MGAT5: variants seen among roughly 807,000 people sequenced by gnomAD.
The protein encoded by MGAT5 is alpha-1,6-mannosylglycoprotein 6-beta-N-acetylglucosaminyltransferase A.
Under a neutral mutation model 94.3 loss-of-function variants are expected in MGAT5, and 30 were observed. That is an observed-to-expected ratio of 0.32 (90% CI 0.24 to 0.43). The LOEUF (loss-of-function observed/expected upper bound fraction) is 0.43, where lower values mean the gene tolerates loss of function less well. MGAT5 is among the 20% of genes least tolerant of loss of function. MGAT5 has a pLI of 1.00. For synonymous variants in MGAT5, 310 were observed against 322.9 expected, an observed-to-expected ratio of 0.96 and a Z score of 0.43; for missense variants, 691 against 905.5, an observed-to-expected ratio of 0.76 and a Z score of 3.04.
At position 134,338,230 on chromosome 2, in the gene MGAT5, T is replaced by A. The variant is rs150904460; in HGVS notation, c.646-29T>A. The A allele has an allele frequency of 7.5e-5, 116 of 1,547,026 alleles. 4 individuals are homozygous for A. In the African/African-American group the frequency reaches 1.2e-3, roughly 16 times the overall value. On this transcript the variant is annotated intron_variant, in intron 5 of 15. Coordinates refer to ENST00000281923, the MANE Select transcript of MGAT5 (RefSeq NM_002410.5). Reference sequence around the variant, plus strand: ...TTATGCTTTCTGACTTTTTATCTTCTATTCATTTTATTAAATTTCTGTTGC... The same window carrying A: ...TTATGCTTTCTGACTTTTTATCTTCAATTCATTTTATTAAATTTCTGTTGC...
At chr2:134,392,727 G>T (rs1558852314) in intron 10 of MGAT5, among the ~76,000 whole-genome samples, 2 of 152,244 alleles carry the variant, frequency 1.3e-5, no homozygotes, top group African/African-American at 2.4e-5. Flanking sequence ...TAATGCATAT[G>T]GCATGGGGCT....
At chr2:134,319,746 C>T in intron 4 of MGAT5, 1 of 427,418 alleles carries the variant, frequency 2.3e-6, no homozygotes, top group South Asian at 1.7e-5. Flanking sequence ...CTCCTGCTCT[C>T]TGTGTAGCTA....
At chr2:134,196,573 T>C (rs1292830001) in intron 1 of MGAT5, among the ~76,000 whole-genome samples, 1 of 152,266 alleles carries the variant, frequency 6.6e-6, no homozygotes, top group Non-Finnish European at 1.5e-5. Context: ...AAGTGCAAAA[T>C]TGTTTTCCCA....
chr2:134,205,345 G>A (rs1444411814), intron 1 of MGAT5, among the ~76,000 whole-genome samples: 1 of 152,148 alleles, frequency 6.6e-6, no homozygotes, highest in Non-Finnish European at 1.5e-5. Flanking sequence ...GTGGGTGGGA[G>A]GTGAGGGTAG....
intron 4 of MGAT5, among the ~76,000 whole-genome samples, chr2:134,322,278 A>G (rs1253259429): frequency 1.3e-5 from 2 of 152,170 alleles, no homozygotes; most frequent in Non-Finnish European, 1.5e-5. Flanking sequence ...ATTAGAATCA[A>G]TTTCTGGTTC....
chr2:134,158,554 G>A (rs933643016), intron 1 of MGAT5, among the ~76,000 whole-genome samples: 2 of 152,204 alleles, frequency 1.3e-5, no homozygotes, highest in African/African-American at 4.8e-5. Context: ...TGGGGGCTGG[G>A]GGTGCTAACT....
intron 1 of MGAT5, among the ~76,000 whole-genome samples, chr2:134,266,121 A>G (rs1054538575): frequency 3.4e-5 from 5 of 145,674 alleles, no homozygotes; most frequent in African/African-American, 1.3e-4. Context: ...AAATCGTGCC[A>G]CTGCACTCCA....
intron 1 of MGAT5, among the ~76,000 whole-genome samples, chr2:134,192,274 T>A (rs534703651): frequency 6.6e-6 from 1 of 152,224 alleles, no homozygotes; most frequent in South Asian, 2.1e-4. Context: ...TCCTTTTCTC[T>A]TCCTCCTCCC....
chr2:134,156,609 T>C (rs1687491255), intron 1 of MGAT5, among the ~76,000 whole-genome samples: 1 of 152,166 alleles, frequency 6.6e-6, no homozygotes, highest in South Asian at 2.1e-4. Flanking sequence ...TGCCACTCAT[T>C]CCTCTAGACA....
intron 9 of MGAT5, among the ~76,000 whole-genome samples, chr2:134,354,401 C>T (rs1164099086): frequency 6.6e-6 from 1 of 152,056 alleles, no homozygotes; most frequent in African/African-American, 2.4e-5. Flanking sequence ...GAAGGCCAGT[C>T]CAAACGAACC....
intron 1 of MGAT5, among the ~76,000 whole-genome samples, chr2:134,145,640 G>A (rs1182477346): frequency 6.6e-6 from 1 of 152,254 alleles, no homozygotes; most frequent in Non-Finnish European, 1.5e-5. Context: ...AGGAAAAAGA[G>A]TGAGGCCCTG....
At chr2:134,145,109 T>C (rs1458059973) in intron 1 of MGAT5, among the ~76,000 whole-genome samples, 1 of 152,204 alleles carries the variant, frequency 6.6e-6, no homozygotes, top group Admixed American at 6.5e-5. Context: ...TTGGGCTGTT[T>C]GCTCTTTTTT....
At chr2:134,171,857 G>A (rs1688227873) in intron 1 of MGAT5, among the ~76,000 whole-genome samples, 1 of 152,118 alleles carries the variant, frequency 6.6e-6, no homozygotes, top group African/African-American at 2.4e-5. Flanking sequence ...GCTCTTGTCG[G>A]GGAGAGGGCC....
intron 1 of MGAT5, among the ~76,000 whole-genome samples, chr2:134,247,032 T>G (rs1297049897): frequency 6.6e-6 from 1 of 152,234 alleles, no homozygotes; most frequent in Non-Finnish European, 1.5e-5. Context: ...AGCACCCAGT[T>G]GATTTCTGCA....
chr2:134,319,648 C>A, intron 4 of MGAT5: 2 of 276,504 alleles, frequency 7.2e-6, no homozygotes, highest in South Asian at 3.3e-5. Flanking sequence ...GTGGGTAGAC[C>A]TTCTGGTTGC....
intron 14 of MGAT5, among the ~76,000 whole-genome samples, chr2:134,440,557 T>G (rs897836111): frequency 5.9e-5 from 9 of 152,234 alleles, no homozygotes; most frequent in African/African-American, 1.7e-4. Flanking sequence ...TCTGGCACCC[T>G]GAGCTGCTGG....
intron 10 of MGAT5, among the ~76,000 whole-genome samples, chr2:134,388,588 G>A (rs1558848795): frequency 6.6e-6 from 1 of 152,092 alleles, no homozygotes; most frequent in Non-Finnish European, 1.5e-5. Context: ...TTGTGATTGG[G>A]TAGATTCTTT....
chr2:134,433,055 C>A (rs930675383), intron 14 of MGAT5, among the ~76,000 whole-genome samples: 2 of 152,106 alleles, frequency 1.3e-5, no homozygotes, highest in Admixed American at 6.5e-5. Flanking sequence ...TCCGTCACCC[C>A]AAAAAACTCA....
chr2:134,325,442 G>A (rs543831675), intron 4 of MGAT5, among the ~76,000 whole-genome samples: 2 of 152,080 alleles, frequency 1.3e-5, no homozygotes, highest in South Asian at 4.2e-4. Context: ...CTGTGTGCCC[G>A]TGATCCATAT....
Sources: gnomAD v4.1 joint callset for allele counts (sites outside exome capture counted in the v4.1 genomes callset) on GRCh38, gnomAD v4.1.1 for gene constraint, MANE v1.5 for transcripts, NCBI Gene and HGNC (gene_info 2026-07-23, HGNC 2026-07-21) for gene names.